Variants in GPBP1 observed in about 807,000 individuals in gnomAD.
GPBP1 encodes the protein vasculin.
Under a neutral mutation model 56.5 loss-of-function variants are expected in GPBP1, and 13 were observed. The ratio of observed to expected loss-of-function variants is 0.23; its 90% CI spans 0.15 to 0.37. The LOEUF is 0.37. Among genes scored for constraint, GPBP1 ranks in the 10% least tolerant of loss-of-function variants. The pLI, the probability that GPBP1 is intolerant of heterozygous loss-of-function variation, is 1.00. For missense variants in GPBP1, 477 were observed against 572.3 expected, an observed-to-expected ratio of 0.83 and a Z score of 1.70; for synonymous variants, 204 against 188.9, an observed-to-expected ratio of 1.08 and a Z score of -0.66.
chr5:57,187,016 G>A (rs79554730), intron 2 of GPBP1, among the ~76,000 whole-genome samples: 7,502 of 141,816 alleles, frequency 0.053, 343 homozygotes, highest in East Asian at 0.25. Flanking sequence ...GTGTGTGTGT[G>A]TGTGTGTGTG....
In GPBP1 at chr5:57,175,623, A is replaced by G. The variant is rs912937541; in HGVS notation, c.-835A>G. 2 of 397,000 alleles carry G rather than the reference A, an allele frequency of 5.0e-6. No individual in the cohort carries two copies. Among genetic ancestry groups the G allele is most frequent in the Non-Finnish European group, 8.9e-6 (2 of 225,430 alleles). 24.6% of individuals were successfully genotyped at this position (397,000 alleles called of 1,614,324 possible). A position where few individuals can be genotyped will look rare whatever the true frequency, so the allele number is the denominator to read the frequency against. ...ATTGATAGTAGTGAACAATTCAGCA[A>G]GCTACTTAAAAAGAGACCCAGGCAG... On this transcript the variant is annotated 5_prime_UTR_variant, in exon 2 of 12. Transcript: ENST00000506184.
Position 57,231,278 on chromosome 5 carries a change from A to T in GPBP1, c.368A>T (p.Lys123Ile). 1.9e-6 allele frequency: 3 copies of T among 1,614,018 alleles called. No homozygotes were observed. Among genetic ancestry groups the T allele is most frequent in the Non-Finnish European group, 2.5e-6 (3 of 1,179,912 alleles). ...NNIPDNETGR[K>I]EDKRERKQFE... Reference sequence around the variant, plus strand: ...ATACCTGACAATGAAACCGGGAGGAAAGAAGACAAGAGAGAACGCAAACAG... The same window carrying T: ...ATACCTGACAATGAAACCGGGAGGATAGAAGACAAGAGAGAACGCAAACAG... Residue 123 changes from lysine to isoleucine, a missense_variant, in exon 5 of 12, where the codon AAA (lysine) becomes ATA (isoleucine). Transcript: ENST00000506184.
chr5:57,236,289 TAA>T (rs1263283869), intron 6 of GPBP1, among the ~76,000 whole-genome samples: 2 of 152,142 alleles, frequency 1.3e-5, no homozygotes, highest in African/African-American at 4.8e-5. Context: ...TAAATGATAA[TAA>T]GTTAGTGTAA....
At chr5:57,238,740 T>A (rs1208692601) in intron 6 of GPBP1, among the ~76,000 whole-genome samples, 1 of 152,136 alleles carries the variant, frequency 6.6e-6, no homozygotes, top group African/African-American at 2.4e-5. Flanking sequence ...TTAAGCATGG[T>A]CTTCTTCCAA....
intron 10 of GPBP1, among the ~76,000 whole-genome samples, chr5:57,256,101 C>G: frequency 6.6e-6 from 1 of 152,032 alleles, no homozygotes; most frequent in Non-Finnish European, 1.5e-5. Context: ...ACTAAAAATA[C>G]AAAAATTAGC....
At chr5:57,201,111 A>C (rs1755001397) in intron 2 of GPBP1, among the ~76,000 whole-genome samples, 1 of 152,220 alleles carries the variant, frequency 6.6e-6, no homozygotes, top group South Asian at 2.1e-4. Context: ...GGCATGAGCC[A>C]CTGCGCTCGG....
chr5:57,202,487 C>G (rs954236588), intron 2 of GPBP1, among the ~76,000 whole-genome samples: 1 of 152,142 alleles, frequency 6.6e-6, no homozygotes, highest in Non-Finnish European at 1.5e-5. Context: ...CAGGGTTTCA[C>G]CATGTTGGCC....
At chr5:57,180,251 G>A (rs1304500578) in intron 2 of GPBP1, among the ~76,000 whole-genome samples, 1 of 152,008 alleles carries the variant, frequency 6.6e-6, no homozygotes, top group Non-Finnish European at 1.5e-5. Context: ...AGTAGCTGAG[G>A]TTACAGGTCC....
At chr5:57,183,045 A>G (rs909321322) in intron 2 of GPBP1, among the ~76,000 whole-genome samples, 1 of 151,866 alleles carries the variant, frequency 6.6e-6, no homozygotes, top group African/African-American at 2.4e-5. Context: ...TTTTTTTCCT[A>G]CACTTTTCAT....
intron 3 of GPBP1, among the ~76,000 whole-genome samples, chr5:57,218,649 T>G (rs1338794526): frequency 6.6e-6 from 1 of 152,176 alleles, no homozygotes; most frequent in Non-Finnish European, 1.5e-5. Flanking sequence ...TAAGTGACTA[T>G]TAACATAAAC....
At chr5:57,227,153 A>G (rs1430351660) in intron 3 of GPBP1, among the ~76,000 whole-genome samples, 1 of 152,150 alleles carries the variant, frequency 6.6e-6, no homozygotes, top group African/African-American at 2.4e-5. Context: ...CCCAGGTTCA[A>G]GCAGTTCTCC....
intron 3 of GPBP1, among the ~76,000 whole-genome samples, chr5:57,224,874 T>A (rs1264091700): frequency 6.6e-6 from 1 of 151,504 alleles, no homozygotes; most frequent in African/African-American, 2.4e-5. Context: ...GTTGACATCC[T>A]AGATCATGAA....
chr5:57,212,966 G>A (rs898768800), intron 2 of GPBP1, among the ~76,000 whole-genome samples: 3 of 152,074 alleles, frequency 2.0e-5, no homozygotes, highest in Admixed American at 6.6e-5. Context: ...ATACGCGTGA[G>A]CCACAATGCC....
chr5:57,215,468 G>A (rs1755662293), intron 3 of GPBP1, among the ~76,000 whole-genome samples: 1 of 152,132 alleles, frequency 6.6e-6, no homozygotes, highest in Non-Finnish European at 1.5e-5. Flanking sequence ...TTGCTCTATT[G>A]TTTTCATTAA....
chr5:57,190,042 T>G (rs1239290333), intron 2 of GPBP1, among the ~76,000 whole-genome samples: 1 of 152,072 alleles, frequency 6.6e-6, no homozygotes, highest in Non-Finnish European at 1.5e-5. Context: ...CCTGTGCCCG[T>G]CTTTATCACA....
intron 2 of GPBP1, among the ~76,000 whole-genome samples, chr5:57,177,003 T>C (rs1753813925): frequency 6.6e-6 from 1 of 152,244 alleles, no homozygotes; most frequent in Non-Finnish European, 1.5e-5. Context: ...AATGGTTTTG[T>C]ATTTCAAATT....
intron 1 of GPBP1, among the ~76,000 whole-genome samples, chr5:57,174,731 AG>A (rs1394365857): frequency 6.6e-6 from 1 of 152,134 alleles, no homozygotes; most frequent in African/African-American, 2.4e-5. Flanking sequence ...GTGGGGTCTG[AG>A]GGGACATGTG....
At chr5:57,246,218 A>T in intron 6 of GPBP1, 82 bp from the exon 7 acceptor site, 1 of 1,104,986 alleles carries the variant, frequency 9.0e-7, no homozygotes. Context: ...AAAAATTTGG[A>T]ATATACTGTT....
At chr5:57,229,720 G>C (rs1756359699) in intron 3 of GPBP1, among the ~76,000 whole-genome samples, 1 of 150,976 alleles carries the variant, frequency 6.6e-6, no homozygotes, top group African/African-American at 2.4e-5. Context: ...TTTTTGTAGA[G>C]ATGGGGTTTC....
Sources: allele counts gnomAD v4.1 joint callset (sites outside exome capture counted in the v4.1 genomes callset), GRCh38; gene constraint gnomAD v4.1.1; transcripts MANE v1.5; gene names NCBI Gene and HGNC (gene_info 2026-07-23, HGNC 2026-07-21).